B4GALT1: variants seen among roughly 807,000 people sequenced by gnomAD.
B4GALT1 encodes the protein N-acetyllactosamine synthase.
A neutral mutation model predicts 34.9 loss-of-function variants in B4GALT1; 16 were observed. The ratio of observed to expected loss-of-function variants is 0.46; its 90% CI spans 0.31 to 0.70. The LOEUF (loss-of-function observed/expected upper bound fraction) is 0.70. B4GALT1 is among the 30% of genes least tolerant of loss of function. The probability of loss-of-function intolerance (pLI) is 0.05; values close to 1 mark genes in which losing one functional copy is unlikely to be tolerated. For synonymous variants in B4GALT1, 221 were observed against 218.1 expected (o/e 1.01, Z -0.12); for missense variants, 445 against 530.5 (o/e 0.84, Z 1.58).
intron 1 of B4GALT1, among the ~76,000 whole-genome samples, chr9:33,166,387 C>A (rs1359273420): frequency 6.6e-6 from 1 of 152,146 alleles, no homozygotes; most frequent in Admixed American, 6.5e-5. Context: ...GTGGATTACT[C>A]GAGGTCCCTA....
chr9:33,167,384 C>G (rs1012906840), upstream of B4GALT1: 3 of 492,486 alleles, frequency 6.1e-6, no homozygotes, highest in African/African-American at 6.1e-5. Flanking sequence ...GGGCGGGGCC[C>G]CGGCGAAGGC....
At chr9:33,143,408 A>T (rs1363134919) in intron 1 of B4GALT1, among the ~76,000 whole-genome samples, 1 of 152,030 alleles carries the variant, frequency 6.6e-6, no homozygotes, top group African/African-American at 2.4e-5. Flanking sequence ...CTCATGCCTT[A>T]CTCTCTCCCT....
chr9:33,139,578 T>A (rs1840318822), intron 1 of B4GALT1, among the ~76,000 whole-genome samples: 1 of 152,216 alleles, frequency 6.6e-6, no homozygotes, highest in Non-Finnish European at 1.5e-5. Flanking sequence ...CCAGGAGGCC[T>A]CCTGAATGCC....
the B4GALT1 span, among the ~76,000 whole-genome samples, chr9:33,183,728 C>T: frequency 2.0e-5 from 3 of 150,966 alleles, no homozygotes; most frequent in Admixed American, 6.6e-5. Flanking sequence ...CACATGTATA[C>T]ATATGTAACT....
chr9:33,167,400 C>G (rs985425042), upstream of B4GALT1: 5 of 176,362 alleles, frequency 2.8e-5, no homozygotes, highest in Non-Finnish European at 4.9e-5. Context: ...AAGGCGGGGG[C>G]GGGGCCGGGC....
At chr9:33,128,747 A>G (rs893531986) in intron 2 of B4GALT1, among the ~76,000 whole-genome samples, 8 of 152,210 alleles carry the variant, frequency 5.3e-5, no homozygotes. Context: ...GGGATGGTAG[A>G]GATGATCAAG....
the B4GALT1 span, among the ~76,000 whole-genome samples, chr9:33,175,956 A>G: frequency 3.5e-4 from 54 of 152,356 alleles, no homozygotes; most frequent in Middle Eastern, 0.01. Context: ...CACGTCTAAC[A>G]TATAATGGAA....
intron 1 of B4GALT1, among the ~76,000 whole-genome samples, chr9:33,164,073 G>A (rs747233518): frequency 2.2e-4 from 34 of 152,096 alleles, no homozygotes; most frequent in East Asian, 1.9e-4. Context: ...AGTCCAATCC[G>A]GTGCCTTATG....
At chr9:33,121,717 A>G (rs1248799813) in intron 2 of B4GALT1, among the ~76,000 whole-genome samples, 1 of 151,708 alleles carries the variant, frequency 6.6e-6, no homozygotes, top group East Asian at 1.9e-4. Flanking sequence ...TGTTTTTTTT[A>G]TTCACCCAGT....
chr9:33,156,901 T>C (rs1310685782), intron 1 of B4GALT1, among the ~76,000 whole-genome samples: 1 of 152,180 alleles, frequency 6.6e-6, no homozygotes, highest in African/African-American at 2.4e-5. Context: ...AAGAATGTTC[T>C]TACTTTCTGT....
At chr9:33,176,263 T>C in the B4GALT1 span, among the ~76,000 whole-genome samples, 7 of 152,202 alleles carry the variant, frequency 4.6e-5, no homozygotes, top group African/African-American at 1.7e-4. Context: ...CATGTTGAAC[T>C]ATCTTTGTCT....
chr9:33,155,803 A>G (rs1840586679), intron 1 of B4GALT1, among the ~76,000 whole-genome samples: 1 of 152,200 alleles, frequency 6.6e-6, no homozygotes, highest in Non-Finnish European at 1.5e-5. Context: ...GCCCAAGAAG[A>G]TGAGTTAGGC....
chr9:33,116,516 C>T lies in B4GALT1; in HGVS notation c.837-403G>A, dbSNP rs112146448. On this transcript the variant is annotated intron_variant, in intron 3 of 5. Transcript: ENST00000379731. ...GGATTACAGTTGTAAGACACCAAAC[C>T]GGATCTTTTTTTTTTTTTTTTTTTG... Among the ~76,000 whole-genome samples the T allele has an allele frequency of 9.2e-3, 1,037 of 112,958 alleles. 11 individuals carry two copies. The highest frequency in any genetic ancestry group is 0.03 in the African/African-American group (966 of 32,024). The allele number at this position is 112,958 out of a possible 152,430, so 74.1% of individuals were successfully genotyped here.
At chr9:33,142,689 A>G (rs1268325153) in intron 1 of B4GALT1, among the ~76,000 whole-genome samples, 2 of 151,332 alleles carry the variant, frequency 1.3e-5, no homozygotes, top group Non-Finnish European at 3.0e-5. Context: ...TGATTATCGA[A>G]CTCCTGGGCT....
intron 2 of B4GALT1, 75 bp downstream of exon 2, chr9:33,135,114 C>G: frequency 7.1e-7 from 1 of 1,415,480 alleles, no homozygotes; most frequent in South Asian, 1.2e-5. Flanking sequence ...CCTTCCCCTG[C>G]CCTCATTACA....
chr9:33,171,231 G>C (rs188880605), upstream of B4GALT1, among the ~76,000 whole-genome samples: 68 of 152,316 alleles, frequency 4.5e-4, no homozygotes, highest in South Asian at 1.7e-3. Flanking sequence ...GGTGTCAGCT[G>C]AGGCACTGGC....
exon 3 of B4GALT1, chr9:33,104,776 T>G: frequency 2.2e-6 from 1 of 455,388 alleles, no homozygotes; most frequent in South Asian, 1.6e-5. Context: ...TTCTTATTTT[T>G]TCATACTGTG....
chr9:33,173,502 A>C, the B4GALT1 span, among the ~76,000 whole-genome samples: 1 of 152,174 alleles, frequency 6.6e-6, no homozygotes, highest in Non-Finnish European at 1.5e-5. Flanking sequence ...CAGGGAGAAA[A>C]CTAAAATGAA....
chr9:33,108,019 G>GTA (rs1319219552), downstream of B4GALT1, among the ~76,000 whole-genome samples: 2 of 152,214 alleles, frequency 1.3e-5, no homozygotes, highest in Non-Finnish European at 2.9e-5. Flanking sequence ...GTGTGCATAT[G>GTA]TATATCTGTG....
Sources: allele counts gnomAD v4.1 joint callset (sites outside exome capture counted in the v4.1 genomes callset), GRCh38; gene constraint gnomAD v4.1.1; transcripts MANE v1.5; gene names NCBI Gene and HGNC (gene_info 2026-07-23, HGNC 2026-07-21).